ELMOD1: variants seen among roughly 807,000 people sequenced by gnomAD.
ELMOD1 encodes ELMO domain containing 1.
In ELMOD1, 21 loss-of-function variants were observed where a neutral mutation model predicts 46.7. The observed-to-expected ratio is 0.45, with a 90% confidence interval of 0.32 to 0.65. ELMOD1 has a LOEUF of 0.65. Ranked by LOEUF, ELMOD1 falls within the 30% of genes least tolerant of loss-of-function variation. ELMOD1 has a pLI of 0.04. For synonymous variants in ELMOD1, 122 were observed against 138.2 expected, an observed-to-expected ratio of 0.88 and a Z score of 0.82; for missense variants, 348 against 407.8, an observed-to-expected ratio of 0.85 and a Z score of 1.26.
intron 6 of ELMOD1, chr11:107,643,876 C>T: frequency 4.6e-6 from 1 of 218,680 alleles, no homozygotes; most frequent in Non-Finnish European, 9.6e-6. Flanking sequence ...CACCACAGTG[C>T]CATCATCTGA....
chr11:107,603,496 G>A (rs1865637370), intron 1 of ELMOD1, among the ~76,000 whole-genome samples: 1 of 151,970 alleles, frequency 6.6e-6, no homozygotes, highest in Non-Finnish European at 1.5e-5. Context: ...CCAAGATCAT[G>A]CCACTGCACT....
chr11:107,651,588 A>G (rs1440558649), intron 9 of ELMOD1, among the ~76,000 whole-genome samples: 2 of 152,180 alleles, frequency 1.3e-5, no homozygotes, highest in African/African-American at 4.8e-5. Flanking sequence ...AATATTTTAT[A>G]CGATTAAAAA....
intron 1 of ELMOD1, among the ~76,000 whole-genome samples, chr11:107,606,550 G>C (rs1170594944): frequency 6.6e-6 from 1 of 152,168 alleles, no homozygotes; most frequent in African/African-American, 2.4e-5. Context: ...AAACTACATT[G>C]GCGGCAGAGC....
intron 1 of ELMOD1, among the ~76,000 whole-genome samples, chr11:107,606,116 A>C (rs575477279): frequency 8.5e-5 from 13 of 152,076 alleles, no homozygotes; most frequent in Admixed American, 2.0e-4. Flanking sequence ...GTCTTACTGA[A>C]TTATATCCTT....
chr11:107,665,094 G>A lies in ELMOD1; in HGVS notation c.902G>A (p.Arg301His), dbSNP rs199808335. The change falls in exon 12 of 12, where the codon CGT becomes CAT. Residue 301 changes from arginine (R) to histidine (H), a missense_variant. By Grantham distance (29) the Arg-to-His change is conservative (BLOSUM62 0). Transcript: ENST00000265840. ...EDPMDIMEFN[R>H]VREKFRKRII... ...CCCATGGACATAATGGAATTTAATC[G>A]TGTGAGGGAGAAATTCCGCAAGAGG... is the stretch of plus-strand genomic sequence containing the variant. 894 of 1,613,814 alleles carry A rather than the reference G, an allele frequency of 5.5e-4. 1 individual carries two copies. The highest frequency in any genetic ancestry group is 6.9e-4 in the Non-Finnish European group (818 of 1,179,796).
intron 2 of ELMOD1, among the ~76,000 whole-genome samples, chr11:107,624,442 T>G (rs887145063): frequency 2.2e-4 from 34 of 152,076 alleles, no homozygotes; most frequent in Admixed American, 1.9e-3. Flanking sequence ...CTCAAGCCCA[T>G]GAGTTCAAGA....
chr11:107,650,076 C>T (rs1046974143), intron 7 of ELMOD1, among the ~76,000 whole-genome samples: 2 of 152,134 alleles, frequency 1.3e-5, no homozygotes, highest in African/African-American at 4.8e-5. Context: ...TGGGTAATGG[C>T]AAAGCTCTTA....
chr11:107,647,275 G>A (rs1397369691), intron 6 of ELMOD1, among the ~76,000 whole-genome samples, 193 bp from the exon 7 acceptor site: 1 of 151,934 alleles, frequency 6.6e-6, no homozygotes, highest in Non-Finnish European at 1.5e-5. Context: ...GAGAAATGCT[G>A]TCATAAATAA....
At chr11:107,592,891 G>A (rs1865428037) in intron 1 of ELMOD1, 1 of 152,466 alleles carries the variant, frequency 6.6e-6, no homozygotes. Flanking sequence ...GTTCTCTTTT[G>A]CAGAAAAAGC....
chr11:107,625,198 C>T (rs1236617840), intron 2 of ELMOD1, among the ~76,000 whole-genome samples: 1 of 152,144 alleles, frequency 6.6e-6, no homozygotes, highest in Non-Finnish European at 1.5e-5. Context: ...AGTTAATTCC[C>T]AACCGATTGT....
intron 6 of ELMOD1, chr11:107,643,422 G>A (rs1359585216): frequency 1.3e-5 from 3 of 226,822 alleles, no homozygotes; most frequent in Non-Finnish European, 2.8e-5. Flanking sequence ...AAAGTATGCT[G>A]GTCCAAGTTT....
Position 107,630,561 on chromosome 11 carries a change from C to G in ELMOD1, c.162C>G (p.Ile54Met). 6.2e-7 allele frequency: 1 copy of G among 1,609,110 alleles called. No homozygotes were observed. The highest frequency in any genetic ancestry group is 8.5e-7 in the Non-Finnish European group (1 of 1,177,914). The part of the protein sequence containing the change: ...TKPGASRTMK[I>M]ETSLRDSKSK... ...CGGGAGCTTCTAGAACCATGAAAAT[C>G]GGTAAGCCTGAGACAAAGAAGTAAG... is the stretch of plus-strand genomic sequence containing the variant. Residue 54 changes from isoleucine (I) to methionine (M), a missense_variant and splice_region_variant, in exon 3 of 12, where the codon ATC (isoleucine) becomes ATG (methionine). Coordinates refer to ENST00000265840, the MANE Select transcript of ELMOD1 (RefSeq NM_018712.4).
chr11:107,639,633 C>T (rs537190488), intron 6 of ELMOD1, among the ~76,000 whole-genome samples: 1 of 152,132 alleles, frequency 6.6e-6, no homozygotes, highest in South Asian at 2.1e-4. Flanking sequence ...CAGAAGTGTT[C>T]AAATAAACTT....
intron 1 of ELMOD1, among the ~76,000 whole-genome samples, chr11:107,605,261 G>A (rs1033061606): frequency 1.3e-5 from 2 of 148,602 alleles, no homozygotes; most frequent in Non-Finnish European, 3.0e-5. Context: ...GTGCAGTGGC[G>A]CAATCTTGAC....
At chr11:107,610,663 A>G (rs1262405236) in intron 1 of ELMOD1, among the ~76,000 whole-genome samples, 1 of 144,370 alleles carries the variant, frequency 6.9e-6, no homozygotes, top group Non-Finnish European at 1.5e-5. Flanking sequence ...ATCCTATCTA[A>G]AAAAAAAAAA....
At chr11:107,606,560 C>T (rs1865687919) in intron 1 of ELMOD1, among the ~76,000 whole-genome samples, 1 of 152,190 alleles carries the variant, frequency 6.6e-6, no homozygotes, top group African/African-American at 2.4e-5. Flanking sequence ...GGCGGCAGAG[C>T]GCGGTGGCTC....
intron 2 of ELMOD1, among the ~76,000 whole-genome samples, chr11:107,626,880 C>T (rs1462829331): frequency 6.6e-6 from 1 of 152,134 alleles, no homozygotes; most frequent in Non-Finnish European, 1.5e-5. Context: ...AAGAAGTGAG[C>T]TTCTGGCAGT....
At chr11:107,613,729 CTA>C (rs1373793444) in intron 1 of ELMOD1, among the ~76,000 whole-genome samples, 2 of 152,146 alleles carry the variant, frequency 1.3e-5, no homozygotes, top group Non-Finnish European at 2.9e-5. Context: ...TTTAGATAAA[CTA>C]TTTCTAAAAT....
chr11:107,617,557 G>T (rs767967881), intron 1 of ELMOD1, among the ~76,000 whole-genome samples: 12 of 152,168 alleles, frequency 7.9e-5, no homozygotes, highest in Non-Finnish European at 1.6e-4. Context: ...AAATCTCACT[G>T]CTCTGTTCAC....
Sources: allele counts gnomAD v4.1 joint callset (sites outside exome capture counted in the v4.1 genomes callset), GRCh38; gene constraint gnomAD v4.1.1; transcripts MANE v1.5; gene names NCBI Gene and HGNC (gene_info 2026-07-23, HGNC 2026-07-21).